Variants in NYNRIN observed in about 807,000 individuals in gnomAD.
NYNRIN encodes NYN domain and retroviral integrase containing, also known as protein NYNRIN.
A neutral mutation model predicts 146.6 loss-of-function variants in NYNRIN; 86 were observed. The ratio of observed to expected loss-of-function variants is 0.59; its 90% CI spans 0.49 to 0.70. The LOEUF (loss-of-function observed/expected upper bound fraction) is 0.70, where lower values mean the gene tolerates loss of function less well. Ranked by LOEUF, NYNRIN falls within the 30% of genes least tolerant of loss-of-function variation. NYNRIN has a pLI of 0.00. For missense variants in NYNRIN, 2,191 were observed against 2,377.7 expected, an observed-to-expected ratio of 0.92 and a Z score of 1.63; for synonymous variants, 1,027 against 1,001.3, an observed-to-expected ratio of 1.03 and a Z score of -0.48.
In NYNRIN at chr14:24,415,508, T is replaced by C; in HGVS notation, c.3759T>C (p.Ala1253=). Residue 1253 remains alanine (A), a synonymous_variant, in exon 9 of 9, where the codon GCT becomes GCC. Coordinates refer to ENST00000382554, the MANE Select transcript of NYNRIN (RefSeq NM_025081.3). ...EVREGRRVSK[A]WLIRWSLLVQ... is the part of the protein sequence containing the mutation. Reference sequence around the variant, plus strand: ...GGGAGGGCCGCAGGGTTTCCAAAGCTTGGTTGATCCGATGGTCCCTCTTGG... The same window carrying C: ...GGGAGGGCCGCAGGGTTTCCAAAGCCTGGTTGATCCGATGGTCCCTCTTGG... The C allele has an allele frequency of 1.2e-6, 2 of 1,613,802 alleles. No individual in the cohort carries two copies. Among genetic ancestry groups the C allele is most frequent in the East Asian group, 2.2e-5 (1 of 44,870 alleles).
At position 24,416,053 on chromosome 14, in the gene NYNRIN, C is replaced by T. The variant is rs1420081006; in HGVS notation, c.4304C>T (p.Ser1435Phe). The T allele has an allele frequency of 1.2e-6, 2 of 1,613,896 alleles. No individual in the cohort carries two copies. The highest frequency in any genetic ancestry group is 1.3e-5 in the African/African-American group (1 of 74,922). ...PFIYRTSYRG[S>F]LFAVTVDTLA... The stretch of plus-strand genomic sequence containing the variant: ...ATCTACCGAACCTCCTACCGGGGCT[C>T]TCTGTTTGCTGTGACAGTGGACACC... Residue 1435 changes from serine (S) to phenylalanine (F), a missense_variant, in exon 9 of 9, where the codon TCT (serine) becomes TTT (phenylalanine). Ser to Phe is a radical substitution (Grantham distance 155). Around this residue, in one of 3 missense-constraint regions of NYNRIN, gnomAD observed 1,291 missense variants for 1,417.0 expected, o/e 0.91. Coordinates refer to ENST00000382554, the MANE Select transcript of NYNRIN (RefSeq NM_025081.3).
chr14:24,417,539 G>A lies in NYNRIN; in HGVS notation c.*93G>A, dbSNP rs1020245870. 9.3e-6 allele frequency: 13 copies of A among 1,392,956 alleles called. No homozygotes were observed. Among genetic ancestry groups the A allele is most frequent in the African/African-American group, 2.9e-5 (2 of 69,080 alleles). 86.3% of individuals were successfully genotyped at this position (1,392,956 alleles called of 1,614,324 possible). A position where few individuals can be genotyped will look rare whatever the true frequency, so the allele number is the denominator to read the frequency against. ...CAGCAGTGCTCTCAGTCCACTGGGG[G>A]CCCTCAGTTGTGCCTTTTGTAGAGA... On this transcript the variant is annotated 3_prime_UTR_variant, in exon 9 of 9. Coordinates refer to ENST00000382554, the MANE Select transcript of NYNRIN (RefSeq NM_025081.3).
Position 24,416,906 on chromosome 14 carries a change from C to T in NYNRIN, c.5157C>T (p.Tyr1719=), listed in dbSNP as rs1378227748. 2 of 1,603,980 alleles carry T rather than the reference C, an allele frequency of 1.2e-6. No homozygotes were observed. Among genetic ancestry groups the T allele is most frequent in the South Asian group, 1.1e-5 (1 of 90,178 alleles). ...CCTGCCTGACGAGCTCAGGGGCCTA[C>T]TGGGAATTCAAGAGGGCCCTCAAGG... The part of the protein sequence containing the change: ...QFPCLTSSGA[Y]WEFKRALKEF... The change falls in exon 9 of 9, where the codon TAC becomes TAT. Residue 1719 remains tyrosine, a synonymous_variant. Transcript: ENST00000382554.
intron 2 of NYNRIN, among the ~76,000 whole-genome samples, chr14:24,401,964 G>T (rs1294946714): frequency 1.3e-5 from 2 of 152,188 alleles, no homozygotes; most frequent in Non-Finnish European, 2.9e-5. Context: ...CATGCACTTT[G>T]TTAGTGGCAT....
chr14:24,417,711 C>T lies in NYNRIN; in HGVS notation c.*265C>T. On this transcript the variant is annotated 3_prime_UTR_variant, in exon 9 of 9. Coordinates refer to ENST00000382554, the MANE Select transcript of NYNRIN (RefSeq NM_025081.3). Reference sequence around the variant, plus strand: ...GTTTTACACTGGGAAATGGAGTGCTCCTCTAGGCTATACCAGGCTCAGTGT... The same window carrying T: ...GTTTTACACTGGGAAATGGAGTGCTTCTCTAGGCTATACCAGGCTCAGTGT... The T allele has an allele frequency of 2.4e-6, 1 of 412,858 alleles. No individual in the cohort carries two copies. Among genetic ancestry groups the T allele is most frequent in the South Asian group, 5.9e-5 (1 of 16,934 alleles). 25.6% of individuals were successfully genotyped at this position (412,858 alleles called of 1,614,324 possible). A position where few individuals can be genotyped will look rare whatever the true frequency, so the allele number is the denominator to read the frequency against.
chr14:24,415,863 G>C lies in NYNRIN; in HGVS notation c.4114G>C (p.Val1372Leu). The change falls in exon 9 of 9, where the codon GTG becomes CTG. Residue 1372 changes from valine (V) to leucine (L), a missense_variant. Val to Leu is a conservative substitution (Grantham distance 32). Transcript: ENST00000382554. ...GCGCTTTGGCCAGTCCCCACTCCCA[G>C]TGGTTTTCCTCACTCACTGCAACTG... ...LERFGQSPLP[V>L]VFLTHCNWIF... The C allele has an allele frequency of 6.2e-7, 1 of 1,613,932 alleles. No homozygotes were observed. The highest frequency in any genetic ancestry group is 8.5e-7 in the Non-Finnish European group (1 of 1,179,884).
At position 24,409,618 on chromosome 14, in the gene NYNRIN, G is replaced by A. The variant is rs367821218; in HGVS notation, c.1824G>A (p.Val608=). ...QLMATAQKTV[V]NQPVLVAQVE... The stretch of plus-strand genomic sequence containing the variant: ...TGGCCACAGCTCAAAAAACAGTTGT[G>A]AATCAACCAGTGTTGGTAGCTCAAG... The change falls in exon 4 of 9, where the codon GTG becomes GTA. Residue 608 remains valine (V), a synonymous_variant. Coordinates refer to ENST00000382554, the MANE Select transcript of NYNRIN (RefSeq NM_025081.3). 2 of 1,608,332 alleles carry A rather than the reference G, an allele frequency of 1.2e-6. No individual in the cohort carries two copies. Among genetic ancestry groups the A allele is most frequent in the Non-Finnish European group, 1.7e-6 (2 of 1,177,284 alleles).
In NYNRIN at chr14:24,411,246, C is replaced by T; in HGVS notation, c.2545+40C>T. The T allele has an allele frequency of 6.2e-7, 1 of 1,611,084 alleles. No homozygotes were observed. Among genetic ancestry groups the T allele is most frequent in the Admixed American group, 1.7e-5 (1 of 59,440 alleles). ...GCCTGCCCAGCCTCCACAGTGTCACCAAGCTTTCTTCTCTCTGCCTTGCTG... is the reference window on the plus strand; with the variant it reads ...GCCTGCCCAGCCTCCACAGTGTCACTAAGCTTTCTTCTCTCTGCCTTGCTG... On this transcript the variant is annotated intron_variant, in intron 5 of 8. Transcript: ENST00000382554. This position sits in a 1 kb window ranked among gnomAD's most constrained non-coding sequence, Gnocchi z 4.3.
At chr14:24,401,637 A>G (rs992622513) in intron 2 of NYNRIN, among the ~76,000 whole-genome samples, 11 of 152,218 alleles carry the variant, frequency 7.2e-5, no homozygotes, top group African/African-American at 2.7e-4. Context: ...GGAACAGACT[A>G]TAATAATACC....
At chr14:24,413,207 A>G in intron 7 of NYNRIN, 109 bp downstream of exon 7, 3 of 1,331,208 alleles carry the variant, frequency 2.3e-6, no homozygotes, top group Non-Finnish European at 3.2e-6. Flanking sequence ...AGTGCCCACC[A>G]GCACCTGCCA....
chr14:24,403,769 T>A (rs958120071), intron 2 of NYNRIN, among the ~76,000 whole-genome samples: 2 of 152,242 alleles, frequency 1.3e-5, no homozygotes, highest in South Asian at 4.1e-4. Flanking sequence ...AAAACTGCTC[T>A]CCAGTGGCTT....
intron 6 of NYNRIN, 22 bp from the exon 7 acceptor site, chr14:24,412,975 G>T: frequency 6.5e-7 from 1 of 1,538,086 alleles, no homozygotes; most frequent in Non-Finnish European, 8.9e-7. Context: ...TGGGTCATTA[G>T]TGACTTCCCC....
Position 24,410,059 on chromosome 14 carries a change from A to G in NYNRIN, c.2265A>G (p.Pro755=). 2 of 1,613,916 alleles carry G rather than the reference A, an allele frequency of 1.2e-6. No homozygotes were observed. Among genetic ancestry groups the G allele is most frequent in the South Asian group, 1.1e-5 (1 of 91,088 alleles). ...CTTGGGAGGGGGCCCCAAGGCAGCC[A>G]CCTCGCCACCTGCAAGCGAACAGCA... is the stretch of plus-strand genomic sequence containing the variant. The part of the protein sequence containing the change: ...LGAWEGAPRQ[P]PRHLQANSTV... The change falls in exon 4 of 9, where the codon CCA becomes CCG. Residue 755 remains proline (P), a synonymous_variant. Coordinates refer to ENST00000382554, the MANE Select transcript of NYNRIN (RefSeq NM_025081.3).
rs556275931 is a variant in NYNRIN at position 24,403,581 on chromosome 14, C to T, written c.198+4137C>T. On this transcript the variant is annotated intron_variant, in intron 2 of 8. Transcript: ENST00000382554. ...AGATGCCTGCTTTCAACATGCCTGT[C>T]TCTTGAGTCATACCCTCCAATCTGA... Among the ~76,000 whole-genome samples, 7 of 152,356 alleles carry T rather than the reference C, an allele frequency of 4.6e-5. No homozygotes were observed. The East Asian group carries it at 1.3e-3, about 29-fold the overall frequency.
rs1486391745 is a variant in NYNRIN at position 24,411,301 on chromosome 14, A to C, written c.2546-53A>C. 1 of 1,612,160 alleles carries C rather than the reference A, an allele frequency of 6.2e-7. No homozygotes were observed. On this transcript the variant is annotated intron_variant, in intron 5 of 8. Coordinates refer to ENST00000382554, the MANE Select transcript of NYNRIN (RefSeq NM_025081.3). The surrounding 1 kb of genome is among the most constrained non-coding windows in gnomAD (Gnocchi z 4.3). ...GACCCTCTGCCACCCCAGAGTGGCC[A>C]TTTCCACTTAGCCCTCCCTTGACCA... is the stretch of plus-strand genomic sequence containing the variant.
At chr14:24,412,393 C>G (rs1594741625) in intron 6 of NYNRIN, among the ~76,000 whole-genome samples, 1 of 152,210 alleles carries the variant, frequency 6.6e-6, no homozygotes, top group East Asian at 1.9e-4. Flanking sequence ...TGGTCACAGC[C>G]CTCTTTAGAG....
At position 24,413,358 on chromosome 14, in the gene NYNRIN, T is replaced by C; in HGVS notation, c.2787T>C (p.Pro929=). 6.2e-7 allele frequency: 1 copy of C among 1,613,528 alleles called. No homozygotes were observed. The highest frequency in any genetic ancestry group is 1.1e-5 in the South Asian group (1 of 90,946). The change falls in exon 8 of 9, where the codon CCT becomes CCC. Residue 929 remains proline (P), a synonymous_variant. Transcript: ENST00000382554. ...TTGCGGGGAATCTCTTCATGGTGCCTGATGACCCCCTGGGCCGTGATGGCC... is the reference window on the plus strand; with the variant it reads ...TTGCGGGGAATCTCTTCATGGTGCCCGATGACCCCCTGGGCCGTGATGGCC... ...FTFAGNLFMV[P]DDPLGRDGPT...
chr14:24,411,804 A>G lies in NYNRIN; in HGVS notation c.2642+354A>G, dbSNP rs188703618. 6.6e-6 allele frequency among the ~76,000 whole-genome samples: 1 copy of G among 152,220 alleles called. No individual in the cohort carries two copies. Among genetic ancestry groups the G allele is most frequent in the Non-Finnish European group, 1.5e-5 (1 of 68,018 alleles). Reference sequence around the variant, plus strand: ...GAGGCTCATGTCTCCAGACTGCTTTAGTCTTTTCCTCCCTCGGAGCCCCGG... The same window carrying G: ...GAGGCTCATGTCTCCAGACTGCTTTGGTCTTTTCCTCCCTCGGAGCCCCGG... On this transcript the variant is annotated intron_variant, in intron 6 of 8. Transcript: ENST00000382554. This position sits in a 1 kb window ranked among gnomAD's most constrained non-coding sequence, Gnocchi z 4.3.
At position 24,413,366 on chromosome 14, in the gene NYNRIN, C is replaced by T. The variant is rs765612926; in HGVS notation, c.2795C>T (p.Pro932Leu). 2 of 1,613,554 alleles carry T rather than the reference C, an allele frequency of 1.2e-6. No homozygotes were observed. The highest frequency in any genetic ancestry group is 1.7e-6 in the Non-Finnish European group (2 of 1,179,730). The change falls in exon 8 of 9, where the codon CCC (proline) becomes CTC (leucine). Residue 932 changes from proline (P) to leucine (L), a missense_variant. Physicochemically the swap from Pro to Leu is moderately conservative, Grantham distance 98 (BLOSUM62 -3). This residue lies in a region of NYNRIN where 1,291 missense variants were observed against 1,417.0 expected (regional missense o/e 0.91). Transcript: ENST00000382554. ...AATCTCTTCATGGTGCCTGATGACC[C>T]CCTGGGCCGTGATGGCCCCACCTTG... The part of the protein sequence containing the change: ...AGNLFMVPDD[P>L]LGRDGPTLDE...
Sources: allele counts gnomAD v4.1 joint callset (sites outside exome capture counted in the v4.1 genomes callset), GRCh38; gene constraint gnomAD v4.1.1; regional missense constraint gnomAD v4.1.1; non-coding constraint Gnocchi (gnomAD v3.1); transcripts MANE v1.5; gene names NCBI Gene and HGNC (gene_info 2026-07-23, HGNC 2026-07-21).